The following PRDM15 variants were observed in gnomAD, a reference collection of about 807,000 sequenced individuals.
PRDM15 encodes PR/SET domain 15, also known as PR domain zinc finger protein 15.
In PRDM15, 64 loss-of-function variants were observed where a neutral mutation model predicts 128.6. That is an observed-to-expected ratio of 0.50 (90% CI 0.41 to 0.61). The LOEUF (loss-of-function observed/expected upper bound fraction) is 0.61, where lower values mean the gene tolerates loss of function less well. Ranked by LOEUF, PRDM15 falls within the 20% of genes least tolerant of loss-of-function variation. PRDM15 has a pLI of 0.00. For missense variants in PRDM15, 1,242 were observed against 1,569.1 expected, an observed-to-expected ratio of 0.79 and a Z score of 3.52; for synonymous variants, 615 against 621.8, an observed-to-expected ratio of 0.99 and a Z score of 0.16.
chr21:41,838,163 C>T (rs1026681072), intron 7 of PRDM15, 100 bp from the exon 8 acceptor site: 6 of 1,296,198 alleles, frequency 4.6e-6, no homozygotes, highest in Non-Finnish European at 6.5e-6. Context: ...CACAGCCAGG[C>T]CAGAATGGTA....
chr21:41,832,208 C>A lies in PRDM15; in HGVS notation c.1366+3229G>T, dbSNP rs971792743. ...TTTAGTGATGGAATCTTTAGTAATGCAGATTTTTTTCTTCTGTCAAATCTC... is the reference window on the plus strand; with the variant it reads ...TTTAGTGATGGAATCTTTAGTAATGAAGATTTTTTTCTTCTGTCAAATCTC... On this transcript the variant is annotated intron_variant, in intron 11 of 23. Coordinates refer to ENST00000398548, the MANE Select transcript of PRDM15 (RefSeq NM_001040424.3). This position sits in a 1 kb window ranked among gnomAD's most constrained non-coding sequence, Gnocchi z 4.2. Among the ~76,000 whole-genome samples, 31 of 152,226 alleles carry A rather than the reference C, an allele frequency of 2.0e-4. 2 individuals are homozygous for A. Among genetic ancestry groups the A allele is most frequent in the Non-Finnish European group, 3.8e-4 (26 of 68,040 alleles).
At chr21:41,830,985 G>A (rs146392674) in intron 11 of PRDM15, among the ~76,000 whole-genome samples, 7 of 152,294 alleles carry the variant, frequency 4.6e-5, no homozygotes, top group Admixed American at 2.0e-4. Context: ...ACCAGTTGAC[G>A]GCGACCCCGG....
rs2064554633 is a variant in PRDM15 at position 41,879,235 on chromosome 21, G to A, written c.-10+35C>T. The A allele has an allele frequency of 4.6e-6, 4 of 875,326 alleles. No individual in the cohort carries two copies. The highest frequency in any genetic ancestry group is 5.0e-5 in the South Asian group (1 of 19,834). The allele number at this position is 875,326 out of a possible 1,614,324, so 54.2% of individuals were successfully genotyped here. A position where few individuals can be genotyped will look rare whatever the true frequency, so the allele number is the denominator to read the frequency against. ...GCCCGGGGCCGGCGGGGCGCACGCC[G>A]GGGCGGGCGGCGGGCGCAGGGCCCG... On this transcript the variant is annotated intron_variant, in intron 1 of 23. Coordinates refer to ENST00000398548, the MANE Select transcript of PRDM15 (RefSeq NM_001040424.3). The surrounding 1 kb of genome is among the most constrained non-coding windows in gnomAD (Gnocchi z 5.1).
At position 41,811,624 on chromosome 21, in the gene PRDM15, GA is replaced by G. The variant is rs1168629367; in HGVS notation, c.2393-789del. ...TGATCACATCACTGCACTCCAGCAT[GA>G]GCAACAGAGAGACCCCATCTCTAAC... On this transcript the variant is annotated intron_variant, in intron 19 of 23. Coordinates refer to ENST00000398548, the MANE Select transcript of PRDM15 (RefSeq NM_001040424.3). This position sits in a 1 kb window ranked among gnomAD's most constrained non-coding sequence, Gnocchi z 4.1. The G allele has an allele frequency of 6.6e-6, 1 of 152,096 alleles. No homozygotes were observed. Among genetic ancestry groups the G allele is most frequent in the East Asian group, 1.9e-4 (1 of 5,184 alleles). 9.4% of individuals were successfully genotyped at this position (152,096 alleles called of 1,614,324 possible). A position where few individuals can be genotyped will look rare whatever the true frequency, so the allele number is the denominator to read the frequency against.
chr21:41,810,910 C>T lies in PRDM15; in HGVS notation c.2393-74G>A. 1 of 1,397,134 alleles carries T rather than the reference C, an allele frequency of 7.2e-7. No individual in the cohort carries two copies. The allele number at this position is 1,397,134 out of a possible 1,614,324, so 86.5% of individuals were successfully genotyped here. Reference sequence around the variant, plus strand: ...GTCCACATCAGGGCATGTCTTCTCCCTGACACGTTCCAGGCACTGTAGGGC... The same window carrying T: ...GTCCACATCAGGGCATGTCTTCTCCTTGACACGTTCCAGGCACTGTAGGGC... On this transcript the variant is annotated intron_variant, in intron 19 of 23. Transcript: ENST00000398548. This position sits in a 1 kb window ranked among gnomAD's most constrained non-coding sequence, Gnocchi z 6.4.
intron 21 of PRDM15, among the ~76,000 whole-genome samples, chr21:41,807,596 T>C (rs547397185): frequency 1.3e-3 from 68 of 54,340 alleles, no homozygotes; most frequent in African/African-American, 7.2e-3. Flanking sequence ...TGTAATCACT[T>C]TGCCTCTGTC....
intron 13 of PRDM15, among the ~76,000 whole-genome samples, 167 bp from the exon 14 acceptor site, chr21:41,823,616 T>C (rs1024904046): frequency 2.0e-5 from 3 of 152,216 alleles, no homozygotes; most frequent in Non-Finnish European, 2.9e-5. Context: ...AAATAATCAC[T>C]GATGCCGGAA....
chr21:41,814,877 TTG>T (rs2061993227), intron 19 of PRDM15: 1 of 146,418 alleles, frequency 6.8e-6, no homozygotes, highest in South Asian at 2.2e-4. Flanking sequence ...TGAGAATGCC[TTG>T]TGTTAGTGAT....
intron 4 of PRDM15, among the ~76,000 whole-genome samples, chr21:41,855,920 C>T (rs1350480836): frequency 3.1e-4 from 1 of 3,222 alleles, no homozygotes. Flanking sequence ...CCTTCCCTCC[C>T]TCCCTCCCTC....
Position 41,862,031 on chromosome 21 carries a change from A to T in PRDM15, c.-9-1659T>A. On this transcript the variant is annotated intron_variant, in intron 1 of 23. Coordinates refer to ENST00000398548, the MANE Select transcript of PRDM15 (RefSeq NM_001040424.3). The surrounding 1 kb of genome is among the most constrained non-coding windows in gnomAD (Gnocchi z 4.1). The stretch of plus-strand genomic sequence containing the variant: ...TCCTGTGGATGGGCACCTCGGCGCA[A>T]ATAGGGACCAGTCTGGGATGGGGGC... 1 of 1,573,576 alleles carries T rather than the reference A, an allele frequency of 6.4e-7. No homozygotes were observed. Among genetic ancestry groups the T allele is most frequent in the Non-Finnish European group, 8.7e-7 (1 of 1,146,950 alleles).
At chr21:41,865,222 T>TCCCCA (rs2063966118) in intron 1 of PRDM15, among the ~76,000 whole-genome samples, 2 of 151,732 alleles carry the variant, frequency 1.3e-5, no homozygotes, top group Admixed American at 6.6e-5. Flanking sequence ...CACTCCTCAG[T>TCCCCA]CTTAGCTTAA....
intron 4 of PRDM15, among the ~76,000 whole-genome samples, chr21:41,856,508 A>G (rs912117349): frequency 1.3e-5 from 2 of 151,914 alleles, no homozygotes; most frequent in Admixed American, 6.6e-5. Flanking sequence ...TTTATTTCAC[A>G]GATATTTCTG....
chr21:41,836,725 C>T (rs1325162754), intron 8 of PRDM15, 76 bp from the exon 9 acceptor site: 3 of 1,324,016 alleles, frequency 2.3e-6, no homozygotes, highest in Non-Finnish European at 1.1e-6. Context: ...ATGAAAACGG[C>T]CTCCTTCCAA....
In PRDM15 at chr21:41,859,400, T is replaced by C. The variant is rs1276671675; in HGVS notation, c.131+192A>G. Among the ~76,000 whole-genome samples the C allele has an allele frequency of 6.6e-6, 1 of 152,208 alleles. No homozygotes were observed. The highest frequency in any genetic ancestry group is 1.5e-5 in the Non-Finnish European group (1 of 68,040). On this transcript the variant is annotated intron_variant, in intron 3 of 23. Coordinates refer to ENST00000398548, the MANE Select transcript of PRDM15 (RefSeq NM_001040424.3). The surrounding 1 kb of genome is among the most constrained non-coding windows in gnomAD (Gnocchi z 5.3). ...ATCAAAGAAACTCACTCTGGAGCTT[T>C]GAAGCACGTGTTTTGGTGTGTCCCG...
chr21:41,810,167 C>A lies in PRDM15; in HGVS notation c.2639G>T (p.Arg880Leu). The change falls in exon 21 of 24, where the codon CGC becomes CTC. Residue 880 changes from arginine to leucine, a missense_variant. By Grantham distance (102) the Arg-to-Leu change is moderately radical (BLOSUM62 -2). This residue lies in a region of PRDM15 where 602 missense variants were observed against 788.3 expected (regional missense o/e 0.76). Transcript: ENST00000398548. This position sits in a 1 kb window ranked among gnomAD's most constrained non-coding sequence, Gnocchi z 6.4. ...CCACCAGCTCACCTCGGGGTGCTTGCGCCGCATGTGTCGGCTCATGGAGGC... is the reference window on the plus strand; with the variant it reads ...CCACCAGCTCACCTCGGGGTGCTTGAGCCGCATGTGTCGGCTCATGGAGGC... ...TRASMSRHMR[R>L]KHPEVLAVRI... 1 of 1,608,704 alleles carries A rather than the reference C, an allele frequency of 6.2e-7. No homozygotes were observed. Among genetic ancestry groups the A allele is most frequent in the Non-Finnish European group, 8.5e-7 (1 of 1,178,502 alleles).
Position 41,821,122 on chromosome 21 carries a change from AG to A in PRDM15, c.2004del (p.Tyr669ThrfsTer47). ...CGGTGGATGACCATGTGGGCGTGGT[AG>A]GTGGCCTTCAGTGCAAAGCGCCGGT... The part of the protein sequence containing the change: ...ICNRRFALKA[T>X]YHAHMVIHRE... On this transcript the variant is annotated frameshift_variant, in exon 16 of 24. Coordinates refer to ENST00000398548, the MANE Select transcript of PRDM15 (RefSeq NM_001040424.3). LOFTEE classifies it high-confidence loss of function. This position sits in a 1 kb window ranked among gnomAD's most constrained non-coding sequence, Gnocchi z 5.4. 6.2e-7 allele frequency: 1 copy of A among 1,614,248 alleles called. No homozygotes were observed. The highest frequency in any genetic ancestry group is 8.5e-7 in the Non-Finnish European group (1 of 1,180,040).
intron 3 of PRDM15, among the ~76,000 whole-genome samples, chr21:41,858,486 C>T (rs1422275366): frequency 6.6e-5 from 10 of 151,064 alleles, no homozygotes; most frequent in Admixed American, 2.0e-4. Flanking sequence ...CCGACAGAGG[C>T]GGACATTGGG....
chr21:41,874,160 T>A (rs971920695), intron 1 of PRDM15, among the ~76,000 whole-genome samples: 1 of 146,344 alleles, frequency 6.8e-6, no homozygotes, highest in Non-Finnish European at 1.5e-5. Context: ...TTGCTTAATT[T>A]AAAAAAAAAA....
intron 1 of PRDM15, among the ~76,000 whole-genome samples, chr21:41,869,839 C>A (rs73906126): frequency 0.07 from 10,649 of 152,270 alleles, 913 homozygotes; most frequent in African/African-American, 0.2. Context: ...TGAGGTCCAC[C>A]TTTTTGTCTA....
Sources: allele counts gnomAD v4.1 joint callset (sites outside exome capture counted in the v4.1 genomes callset), GRCh38; gene constraint gnomAD v4.1.1; regional missense constraint gnomAD v4.1.1; non-coding constraint Gnocchi (gnomAD v3.1); transcripts MANE v1.5; gene names NCBI Gene and HGNC (gene_info 2026-07-23, HGNC 2026-07-21).